SLC25A21: variants seen among roughly 807,000 people sequenced by gnomAD.
SLC25A21 encodes the protein mitochondrial 2-oxodicarboxylate carrier.
In SLC25A21, 47 loss-of-function variants were observed where a neutral mutation model predicts 43.8. The ratio of observed to expected loss-of-function variants is 1.07; its 90% CI spans 0.85 to 1.37. SLC25A21 has a LOEUF of 1.37. Ranked by LOEUF, SLC25A21 falls within the 40% of genes most tolerant of loss-of-function variation. SLC25A21 has a pLI of 0.00. For synonymous variants in SLC25A21, 131 were observed against 121.3 expected (o/e 1.08, Z -0.52); for missense variants, 352 against 350.2 (o/e 1.00, Z -0.04).
chr14:36,966,019 C>T (rs1315999681), intron 1 of SLC25A21, among the ~76,000 whole-genome samples: 2 of 152,018 alleles, frequency 1.3e-5, no homozygotes, highest in East Asian at 3.8e-4. Flanking sequence ...TACTATGTAC[C>T]TACAAAATTA....
chr14:37,004,220 T>C (rs571352650), intron 1 of SLC25A21, among the ~76,000 whole-genome samples: 35 of 152,276 alleles, frequency 2.3e-4, no homozygotes, highest in Non-Finnish European at 4.6e-4. Context: ...AACAAATAAA[T>C]AGTTTTTATT....
intron 1 of SLC25A21, among the ~76,000 whole-genome samples, chr14:37,144,565 A>T (rs1963626729): frequency 6.6e-6 from 1 of 152,194 alleles, no homozygotes; most frequent in African/African-American, 2.4e-5. Flanking sequence ...CAGAGGGGAA[A>T]ACAACTTCAT....
At chr14:36,906,213 C>A (rs1326553947) in intron 1 of SLC25A21, among the ~76,000 whole-genome samples, 1 of 152,010 alleles carries the variant, frequency 6.6e-6, no homozygotes, top group Non-Finnish European at 1.5e-5. Flanking sequence ...AAAAGTGATT[C>A]AAATCTAAAG....
chr14:36,954,361 C>T (rs2022720), intron 1 of SLC25A21, among the ~76,000 whole-genome samples: 35,386 of 151,884 alleles, frequency 0.23, 4,402 homozygotes, highest in Admixed American at 0.32. Context: ...CTGCTAAAGA[C>T]TTTCCATTTC....
chr14:37,132,647 T>G (rs934463710), intron 1 of SLC25A21, among the ~76,000 whole-genome samples: 2 of 152,088 alleles, frequency 1.3e-5, no homozygotes, highest in African/African-American at 4.8e-5. Context: ...AATTCATGTC[T>G]CTTTCTTTTC....
intron 1 of SLC25A21, among the ~76,000 whole-genome samples, chr14:37,162,822 C>T (rs1409137516): frequency 6.6e-6 from 1 of 152,102 alleles, no homozygotes; most frequent in African/African-American, 2.4e-5. Flanking sequence ...AATCATGCTG[C>T]TATAAAGACA....
At chr14:36,878,247 C>T (rs1279888654) in intron 1 of SLC25A21, among the ~76,000 whole-genome samples, 2 of 152,072 alleles carry the variant, frequency 1.3e-5, no homozygotes, top group Admixed American at 6.6e-5. Context: ...GTGACATGGC[C>T]AAAAGGAAAA....
chr14:36,878,156 A>T (rs1890601744), intron 1 of SLC25A21, among the ~76,000 whole-genome samples: 1 of 151,994 alleles, frequency 6.6e-6, no homozygotes, highest in Non-Finnish European at 1.5e-5. Flanking sequence ...ACCTTCTCTC[A>T]TCATAGCATA....
chr14:36,900,931 A>G (rs552028256), intron 1 of SLC25A21, among the ~76,000 whole-genome samples: 4 of 152,320 alleles, frequency 2.6e-5, no homozygotes, highest in Middle Eastern at 3.4e-3. Flanking sequence ...ACAATCCACA[A>G]TTCAATTTGG....
chr14:37,115,509 G>C (rs888679533), intron 1 of SLC25A21, among the ~76,000 whole-genome samples: 5 of 152,140 alleles, frequency 3.3e-5, no homozygotes, highest in South Asian at 4.1e-4. Context: ...TCTCATTCCA[G>C]CATAACTCCA....
chr14:37,045,609 C>G (rs1408981745), intron 1 of SLC25A21, among the ~76,000 whole-genome samples: 3 of 152,180 alleles, frequency 2.0e-5, no homozygotes, highest in Non-Finnish European at 4.4e-5. Flanking sequence ...CCCAGGGTAA[C>G]AAAAACAAGA....
chr14:36,990,393 T>C (rs1346802696), intron 1 of SLC25A21, among the ~76,000 whole-genome samples: 1 of 152,134 alleles, frequency 6.6e-6, no homozygotes, highest in Non-Finnish European at 1.5e-5. Context: ...GAAAAACTAA[T>C]TAAGGTTTTA....
At chr14:37,110,358 A>G (rs1490920247) in intron 1 of SLC25A21, among the ~76,000 whole-genome samples, 1 of 152,176 alleles carries the variant, frequency 6.6e-6, no homozygotes. Context: ...TACCAAAATC[A>G]CCTAATAGGC....
intron 1 of SLC25A21, among the ~76,000 whole-genome samples, chr14:36,986,802 A>T (rs577414189): frequency 3.9e-5 from 6 of 152,148 alleles, no homozygotes; most frequent in Middle Eastern, 3.4e-3. Flanking sequence ...GCCCTTAACG[A>T]CTTCCCCCTG....
chr14:36,730,066 A>G (rs897909349), intron 4 of SLC25A21, among the ~76,000 whole-genome samples: 1 of 152,220 alleles, frequency 6.6e-6, no homozygotes, highest in African/African-American at 2.4e-5. Flanking sequence ...AATTATGAAG[A>G]TGCCATGATA....
At chr14:37,115,121 T>C (rs1963084102) in intron 1 of SLC25A21, among the ~76,000 whole-genome samples, 1 of 151,942 alleles carries the variant, frequency 6.6e-6, no homozygotes, top group Admixed American at 6.6e-5. Context: ...TCAAAGAGAG[T>C]TTCTTTGAGA....
At chr14:36,758,819 C>A (rs1382736799) in intron 3 of SLC25A21, among the ~76,000 whole-genome samples, 2 of 152,124 alleles carry the variant, frequency 1.3e-5, no homozygotes, top group East Asian at 3.9e-4. Context: ...AAACTTCAAG[C>A]AAAAACTCCT....
At chr14:37,064,833 G>A (rs76109356) in intron 1 of SLC25A21, among the ~76,000 whole-genome samples, 7,534 of 151,840 alleles carry the variant, frequency 0.05, 240 homozygotes, top group African/African-American at 0.085. Flanking sequence ...GTAAGCACTA[G>A]GGACATAAAG....
At chr14:36,751,919 G>A (rs1247801757) in intron 3 of SLC25A21, among the ~76,000 whole-genome samples, 1 of 152,182 alleles carries the variant, frequency 6.6e-6, no homozygotes, top group African/African-American at 2.4e-5. Context: ...AAGATTTGGA[G>A]TCTATATTTG....
Sources: allele counts gnomAD v4.1 joint callset (sites outside exome capture counted in the v4.1 genomes callset), GRCh38; gene constraint gnomAD v4.1.1; transcripts MANE v1.5; gene names NCBI Gene and HGNC (gene_info 2026-07-23, HGNC 2026-07-21).